The following PSTPIP2 variants were observed in gnomAD, a reference collection of about 807,000 sequenced individuals.
PSTPIP2 encodes proline-serine-threonine phosphatase-interacting protein 2.
Under a neutral mutation model 63.3 loss-of-function variants are expected in PSTPIP2, and 33 were observed. The observed-to-expected ratio is 0.52, with a 90% CI of 0.40 to 0.70. The LOEUF is 0.70. PSTPIP2 is among the 30% of genes least tolerant of loss of function. The pLI is 0.00. For synonymous variants in PSTPIP2, 125 were observed against 132.7 expected, an observed-to-expected ratio of 0.94 and a Z score of 0.40; for missense variants, 312 against 400.7, an observed-to-expected ratio of 0.78 and a Z score of 1.89.
At chr18:45,993,477 C>G in intron 10 of PSTPIP2, 128 bp downstream of exon 10, 1 of 764,292 alleles carries the variant, frequency 1.3e-6, no homozygotes, top group South Asian at 1.6e-5. Context: ...TGTCAACTCA[C>G]TGTATGGCCT....
chr18:46,068,846 A>T (rs1909289820), intron 1 of PSTPIP2, among the ~76,000 whole-genome samples: 1 of 152,196 alleles, frequency 6.6e-6, no homozygotes, highest in Non-Finnish European at 1.5e-5. Context: ...AGGCAACATC[A>T]GTTCAAACTC....
At chr18:46,006,352 C>A (rs2051724981) in intron 5 of PSTPIP2, among the ~76,000 whole-genome samples, 1 of 142,924 alleles carries the variant, frequency 7.0e-6, no homozygotes, top group Non-Finnish European at 1.5e-5. Flanking sequence ...CCATGCCCAG[C>A]CCTGGTACTT....
chr18:46,024,224 G>C (rs1907494658), intron 3 of PSTPIP2, among the ~76,000 whole-genome samples: 1 of 151,908 alleles, frequency 6.6e-6, no homozygotes. Flanking sequence ...TGCAACCTCT[G>C]CCTTCTGGGC....
intron 1 of PSTPIP2, among the ~76,000 whole-genome samples, chr18:46,046,894 T>A (rs1217000200): frequency 6.6e-6 from 1 of 152,268 alleles, no homozygotes; most frequent in African/African-American, 2.4e-5. Context: ...GGCTGCAGTT[T>A]GGTGCCTGGG....
At chr18:46,039,736 C>T (rs555652915) in intron 2 of PSTPIP2, among the ~76,000 whole-genome samples, 113 of 152,224 alleles carry the variant, frequency 7.4e-4, no homozygotes, top group African/African-American at 2.6e-3. Flanking sequence ...ATAATTCGTT[C>T]GCAGTTTCAT....
chr18:46,007,454 C>T (rs138460220), intron 5 of PSTPIP2, among the ~76,000 whole-genome samples: 320 of 152,362 alleles, frequency 2.1e-3, no homozygotes, highest in Non-Finnish European at 3.4e-3. Context: ...AGACACACGG[C>T]AGATCCCTGC....
chr18:46,020,797 G>A (rs1907317268), intron 3 of PSTPIP2, among the ~76,000 whole-genome samples: 1 of 152,166 alleles, frequency 6.6e-6, no homozygotes, highest in South Asian at 2.1e-4. Context: ...CCTCTCTGAG[G>A]TATACTCTTA....
intron 1 of PSTPIP2, among the ~76,000 whole-genome samples, chr18:46,064,282 C>CTTTTTTTTTTTTTTTTTTTTTTT (rs56236802): frequency 2.8e-5 from 2 of 71,524 alleles, no homozygotes; most frequent in Non-Finnish European, 4.8e-5. Context: ...CTTTTTCTTT[C>CTTTTTTTTTTTTTTTTTTTTTTT]TTTTTTTTTT....
chr18:45,985,360 C>A lies in PSTPIP2; in HGVS notation c.*99G>T. On this transcript the variant is annotated 3_prime_UTR_variant, in exon 15 of 15. Transcript: ENST00000409746. Reference sequence around the variant, plus strand: ...TTATAGCAAGGGTTCACTTCAAAGTCTTCATTGCTGACATAACGTGGCTAT... The same window carrying A: ...TTATAGCAAGGGTTCACTTCAAAGTATTCATTGCTGACATAACGTGGCTAT... 6 of 1,517,750 alleles carry A rather than the reference C, an allele frequency of 4.0e-6. No individual in the cohort carries two copies. Among genetic ancestry groups the A allele is most frequent in the Non-Finnish European group, 5.4e-6 (6 of 1,109,224 alleles). The allele number at this position is 1,517,750 out of a possible 1,614,324, so 94.0% of individuals were successfully genotyped here. A position where few individuals can be genotyped will look rare whatever the true frequency, so the allele number is the denominator to read the frequency against.
Position 45,993,676 on chromosome 18 carries a change from T to C in PSTPIP2, c.670A>G (p.Ile224Val). 1 of 1,614,194 alleles carries C rather than the reference T, an allele frequency of 6.2e-7. No homozygotes were observed. The highest frequency in any genetic ancestry group is 8.5e-7 in the Non-Finnish European group (1 of 1,180,012). ...CACAATGCATTCCGGAAGAAGTTTA[T>C]TCGTTCACATTCTTGAGCCTCAAAT... ...EAFEAQECER[I>V]NFFRNALWLH... Residue 224 changes from isoleucine (I) to valine (V), a missense_variant, in exon 10 of 15, where the codon ATA becomes GTA. Transcript: ENST00000409746.
chr18:46,046,114 T>C (rs1321525496), intron 1 of PSTPIP2, among the ~76,000 whole-genome samples: 1 of 152,088 alleles, frequency 6.6e-6, no homozygotes, highest in Non-Finnish European at 1.5e-5. Flanking sequence ...AATGGGAAAA[T>C]GGTAATCTTT....
At chr18:45,986,288 G>T (rs1279524329) in intron 14 of PSTPIP2, among the ~76,000 whole-genome samples, 1 of 151,992 alleles carries the variant, frequency 6.6e-6, no homozygotes, top group Admixed American at 6.6e-5. Flanking sequence ...CATTGAACTG[G>T]CACAGATTCC....
rs1473443786 is a variant in PSTPIP2 at position 45,984,297 on chromosome 18, A to T, written c.*1162T>A. 6.6e-6 allele frequency: 1 copy of T among 152,224 alleles called. No homozygotes were observed. The highest frequency in any genetic ancestry group is 6.5e-5 in the Admixed American group (1 of 15,280). 9.4% of individuals were successfully genotyped at this position (152,224 alleles called of 1,614,324 possible). ...GAGAGTGCTATTTTAACTTGTCAAT[A>T]ACTAAAAGGTACCATTTTCTCATAG... On this transcript the variant is annotated 3_prime_UTR_variant, in exon 15 of 15. Transcript: ENST00000409746.
At chr18:46,004,767 T>C (rs1026602820) in intron 6 of PSTPIP2, among the ~76,000 whole-genome samples, 1 of 152,180 alleles carries the variant, frequency 6.6e-6, no homozygotes, top group Non-Finnish European at 1.5e-5. Context: ...GGTGGGAGTA[T>C]AAATTGGTTC....
intron 1 of PSTPIP2, among the ~76,000 whole-genome samples, chr18:46,066,269 G>A (rs528519077): frequency 6.6e-6 from 1 of 152,296 alleles, no homozygotes; most frequent in East Asian, 1.9e-4. Flanking sequence ...TGAGGCTGCA[G>A]TGAGCCGTGA....
intron 3 of PSTPIP2, among the ~76,000 whole-genome samples, chr18:46,022,631 T>C (rs1236886959): frequency 2.0e-5 from 3 of 152,168 alleles, no homozygotes; most frequent in Non-Finnish European, 4.4e-5. Flanking sequence ...AGAATGGTGA[T>C]AGCAGGGCAT....
At chr18:45,998,615 C>G (rs1163864796) in intron 8 of PSTPIP2, among the ~76,000 whole-genome samples, 179 bp downstream of exon 8, 2 of 152,138 alleles carry the variant, frequency 1.3e-5, no homozygotes, top group African/African-American at 2.4e-5. Context: ...TTTCCTCCCT[C>G]CCTTCCTTAC....
At position 45,991,886 on chromosome 18, in the gene PSTPIP2, G is replaced by C. The variant is rs778732813; in HGVS notation, c.920+16C>G. ...TAAAAGTATTTTTCTTCATATGAAA[G>C]GCAGCTGGTTATTACCTTGCCAAGT... On this transcript the variant is annotated intron_variant, in intron 12 of 14. Coordinates refer to ENST00000409746, the MANE Select transcript of PSTPIP2 (RefSeq NM_024430.4). 6.4e-7 allele frequency: 1 copy of C among 1,567,730 alleles called. No individual in the cohort carries two copies. The highest frequency in any genetic ancestry group is 1.8e-5 in the Admixed American group (1 of 56,592).
At position 46,033,728 on chromosome 18, in the gene PSTPIP2, G is replaced by C. The variant is rs1373477892; in HGVS notation, c.134+6219C>G. ...AAAAAAAAAAAAAAGACAATGTGAA[G>C]ACACAGGGGAACAACACCACAGGAT... On this transcript the variant is annotated intron_variant, in intron 2 of 14. Transcript: ENST00000409746. Among the ~76,000 whole-genome samples the C allele has an allele frequency of 2.7e-5, 4 of 148,222 alleles. No homozygotes were observed. In the South Asian group the frequency reaches 6.4e-4, roughly 24 times the overall value.
Sources: allele counts gnomAD v4.1 joint callset (sites outside exome capture counted in the v4.1 genomes callset), GRCh38; gene constraint gnomAD v4.1.1; transcripts MANE v1.5; gene names NCBI Gene and HGNC (gene_info 2026-07-23, HGNC 2026-07-21).